The following CTXND2 variants were observed in gnomAD, a reference collection of about 807,000 sequenced individuals.
CTXND2 encodes the protein cortexin domain containing 2.
chr1:150,890,513 T>C (rs1489234225), intron 1 of CTXND2, among the ~76,000 whole-genome samples: 1 of 152,168 alleles, frequency 6.6e-6, no homozygotes, highest in East Asian at 1.9e-4. Flanking sequence ...TTTATTTATT[T>C]ATTTATTGAG....
chr1:150,896,074 A>C (rs911392970), intron 1 of CTXND2, among the ~76,000 whole-genome samples: 3 of 152,188 alleles, frequency 2.0e-5, no homozygotes, highest in Non-Finnish European at 2.9e-5. Context: ...TTAACGGAGA[A>C]TCCGTTCCTG....
At chr1:150,898,081 T>C (rs2102596767) in intron 1 of CTXND2, among the ~76,000 whole-genome samples, 1 of 152,184 alleles carries the variant, frequency 6.6e-6, no homozygotes, top group East Asian at 1.9e-4. Flanking sequence ...TGGTCTTGCT[T>C]TGTTGCCCAG....
chr1:150,896,108 C>A (rs1668911207), intron 1 of CTXND2, among the ~76,000 whole-genome samples: 1 of 152,058 alleles, frequency 6.6e-6, no homozygotes, highest in Non-Finnish European at 1.5e-5. Context: ...AGAATGTGTT[C>A]TTTTTTCCTC....
intron 1 of CTXND2, among the ~76,000 whole-genome samples, chr1:150,909,312 C>T (rs981792219): frequency 6.6e-6 from 1 of 150,434 alleles, no homozygotes; most frequent in African/African-American, 2.4e-5. Flanking sequence ...CTTTGGGAGG[C>T]TAAGGAGGGC....
chr1:150,899,479 G>A (rs1668964441), intron 1 of CTXND2, among the ~76,000 whole-genome samples: 2 of 151,942 alleles, frequency 1.3e-5, no homozygotes, highest in African/African-American at 2.4e-5. Context: ...ATAGATCAGG[G>A]ATCTAAATGG....
chr1:150,893,159 C>T (rs1183387683), intron 1 of CTXND2, among the ~76,000 whole-genome samples: 4 of 152,002 alleles, frequency 2.6e-5, no homozygotes, highest in Non-Finnish European at 5.9e-5. Context: ...ATTACATTTT[C>T]TTGTGTGTTG....
At chr1:150,897,806 T>C (rs1231717582) in intron 1 of CTXND2, among the ~76,000 whole-genome samples, 11 of 152,242 alleles carry the variant, frequency 7.2e-5, no homozygotes, top group Non-Finnish European at 1.3e-4. Context: ...AATATTTCCA[T>C]ACTTTTTAGC....
exon 2 of CTXND2, chr1:150,912,362 T>C: frequency 5.0e-6 from 2 of 398,600 alleles, no homozygotes; most frequent in East Asian, 7.1e-5. Flanking sequence ...ACAAAGGCTT[T>C]GCCATTGCCT....
At chr1:150,911,003 A>G (rs1669246213) in intron 1 of CTXND2, among the ~76,000 whole-genome samples, 1 of 151,440 alleles carries the variant, frequency 6.6e-6, no homozygotes, top group Non-Finnish European at 1.5e-5. Context: ...ACGGGGTTTT[A>G]CCGTGTTAGC....
At chr1:150,888,326 G>A (rs1454654560) in intron 1 of CTXND2, among the ~76,000 whole-genome samples, 1 of 150,558 alleles carries the variant, frequency 6.6e-6, no homozygotes, top group Admixed American at 6.7e-5. Context: ...CAATTCTCCT[G>A]CCTCAGCCTC....
chr1:150,902,432 G>C (rs1009853190), intron 1 of CTXND2, among the ~76,000 whole-genome samples: 12 of 151,994 alleles, frequency 7.9e-5, no homozygotes, highest in Non-Finnish European at 2.9e-5. Context: ...GCTGGGCATG[G>C]TGGCACACGC....
chr1:150,892,584 A>G (rs1433677656), intron 1 of CTXND2, among the ~76,000 whole-genome samples: 1 of 128,886 alleles, frequency 7.8e-6, no homozygotes, highest in Non-Finnish European at 1.6e-5. Context: ...TCCAGCCTGG[A>G]TTGCAGTGGT....
chr1:150,905,792 C>A (rs899629290), intron 1 of CTXND2, among the ~76,000 whole-genome samples: 1 of 151,240 alleles, frequency 6.6e-6, no homozygotes, highest in African/African-American at 2.4e-5. Context: ...ATATCGAGAC[C>A]ATCCTGGCTA....
At chr1:150,899,146 A>AT (rs1462327905) in intron 1 of CTXND2, among the ~76,000 whole-genome samples, 12 of 150,682 alleles carry the variant, frequency 8.0e-5, no homozygotes, top group Non-Finnish European at 1.2e-4. Context: ...ACAAACAATA[A>AT]TAAACTCAAA....
Position 150,900,515 on chromosome 1 carries a change from T to G in CTXND2, c.-73-11727T>G, listed in dbSNP as rs745812094. Among the ~76,000 whole-genome samples, 11 of 152,222 alleles carry G rather than the reference T, an allele frequency of 7.2e-5. No individual in the cohort carries two copies. In the East Asian group the frequency reaches 2.1e-3, roughly 29 times the overall value. ...TGGAAGGAACCAATTCTCGACACAA[T>G]GGTAGGCACCTGTAATCCCAGCTAT... is the stretch of plus-strand genomic sequence containing the variant. On this transcript the variant is annotated intron_variant, in intron 1 of 1. Coordinates refer to ENST00000636087, the Ensembl canonical transcript of CTXND2.
intron 1 of CTXND2, among the ~76,000 whole-genome samples, chr1:150,899,660 A>G (rs1458257796): frequency 6.6e-6 from 1 of 152,198 alleles, no homozygotes; most frequent in Admixed American, 6.6e-5. Flanking sequence ...ATGCACCACA[A>G]ACAAAAACAA....
intron 1 of CTXND2, chr1:150,903,982 TGG>T: frequency 1.5e-6 from 1 of 646,612 alleles, no homozygotes; most frequent in South Asian, 1.4e-5. Flanking sequence ...AGCACAAGAC[TGG>T]GCCTAATCTC....
At chr1:150,901,465 G>A (rs1343709959) in intron 1 of CTXND2, among the ~76,000 whole-genome samples, 3 of 152,304 alleles carry the variant, frequency 2.0e-5, no homozygotes, top group South Asian at 2.1e-4. Flanking sequence ...GAAGAAAGGT[G>A]GGGTGCTCAC....
At chr1:150,893,312 AT>A (rs959801132) in intron 1 of CTXND2, among the ~76,000 whole-genome samples, 6 of 151,480 alleles carry the variant, frequency 4.0e-5, no homozygotes, top group African/African-American at 7.3e-5. Flanking sequence ...TTTTCAATCC[AT>A]TTTTTTTCAT....
Sources: gnomAD v4.1 joint callset for allele counts (sites outside exome capture counted in the v4.1 genomes callset) on GRCh38, gnomAD v4.1.1 for gene constraint, MANE v1.5 for transcripts, NCBI Gene and HGNC (gene_info 2026-07-23, HGNC 2026-07-21) for gene names.